Variants in HAPLN3 observed in about 807,000 individuals in gnomAD.
HAPLN3 encodes the protein extracellular link domain containing, 1.
A neutral mutation model predicts 28.1 loss-of-function variants in HAPLN3; 28 were observed. That is an observed-to-expected ratio of 1.00 (90% CI 0.74 to 1.37). HAPLN3 has a LOEUF of 1.37. Ranked by LOEUF, HAPLN3 falls within the 40% of genes most tolerant of loss-of-function variation. HAPLN3 has a pLI of 0.00. For missense variants in HAPLN3, 513 were observed against 504.6 expected (o/e 1.02, Z -0.16); for synonymous variants, 211 against 213.1 (o/e 0.99, Z 0.09).
chr15:88,893,005 G>T, intron 1 of HAPLN3: 1 of 1,534,542 alleles, frequency 6.5e-7, no homozygotes, highest in Non-Finnish European at 8.7e-7. Context: ...AAATCTTCTG[G>T]AGTCCTGTCT....
intron 2 of HAPLN3, among the ~76,000 whole-genome samples, chr15:88,885,417 A>T (rs929787042): frequency 1.3e-5 from 2 of 151,078 alleles, no homozygotes; most frequent in Non-Finnish European, 1.5e-5. Context: ...CTGGGATTAC[A>T]GGTGCACGCC....
At position 88,879,395 on chromosome 15, in the gene HAPLN3, GA is replaced by G; in HGVS notation, c.494-127del. On this transcript the variant is annotated intron_variant, in intron 3 of 4. Coordinates refer to ENST00000359595, the MANE Select transcript of HAPLN3 (RefSeq NM_178232.4). This position sits in a 1 kb window ranked among gnomAD's most constrained non-coding sequence, Gnocchi z 5.0. ...ACACACACACATACACCATCCCTCAGAAAAACTCAGCAAACCTCTGACCTCC... is the reference window on the plus strand; with the variant it reads ...ACACACACACATACACCATCCCTCAGAAAACTCAGCAAACCTCTGACCTCC... The G allele has an allele frequency of 1.9e-6, 3 of 1,545,482 alleles. No homozygotes were observed. In the South Asian group the frequency reaches 3.5e-5, roughly 18 times the overall value.
At position 88,879,331 on chromosome 15, in the gene HAPLN3, G is replaced by A. The variant is rs546696150; in HGVS notation, c.494-62C>T. On this transcript the variant is annotated intron_variant, in intron 3 of 4. Coordinates refer to ENST00000359595, the MANE Select transcript of HAPLN3 (RefSeq NM_178232.4). This position sits in a 1 kb window ranked among gnomAD's most constrained non-coding sequence, Gnocchi z 5.0. Reference sequence around the variant, plus strand: ...AGGGGCCCAGCTGGCTGGACACCCCGCTCTCCTCCCACCTTCACTGGGACA... The same window carrying A: ...AGGGGCCCAGCTGGCTGGACACCCCACTCTCCTCCCACCTTCACTGGGACA... The A allele has an allele frequency of 1.5e-3, 2,366 of 1,596,932 alleles. 37 individuals are homozygous for A. In the South Asian group the frequency reaches 0.024, roughly 16 times the overall value.
rs144003022 is a variant in HAPLN3, at chr15:88,877,981, G to A, written c.1072C>T (p.Arg358Cys). The change falls in exon 5 of 5, where the codon CGC becomes TGC. Residue 358 changes from arginine (R) to cysteine (C), a missense_variant. Arg to Cys is a radical substitution (Grantham distance 180, BLOSUM62 -3). Transcript: ENST00000359595. This position sits in a 1 kb window ranked among gnomAD's most constrained non-coding sequence, Gnocchi z 5.1. ...QSRLYGVYCY[R>C]QH ...GAGGGCCCCAGGTCCTAGTGCTGGC[G>A]GTAGCAGTAAACACCGTACAAGCGG... 196 of 1,603,670 alleles carry A rather than the reference G, an allele frequency of 1.2e-4. No homozygotes were observed. In the African/African-American group the frequency reaches 2.1e-3, roughly 17 times the overall value.
At chr15:88,892,454 C>A (rs549728485) in intron 1 of HAPLN3, among the ~76,000 whole-genome samples, 1 of 150,884 alleles carries the variant, frequency 6.6e-6, no homozygotes, top group South Asian at 2.2e-4. Flanking sequence ...GAAACTGCAT[C>A]TCAAAAAAAA....
intron 1 of HAPLN3, among the ~76,000 whole-genome samples, chr15:88,890,351 G>C (rs1441290595): frequency 6.6e-6 from 1 of 152,182 alleles, no homozygotes; most frequent in Non-Finnish European, 1.5e-5. Context: ...CCCCCTTGGT[G>C]ATGGAGAACT....
In HAPLN3 at chr15:88,879,710, T is replaced by C. The variant is rs868249302; in HGVS notation, c.494-441A>G. The C allele has an allele frequency of 8.5e-7, 1 of 1,177,518 alleles. No homozygotes were observed. Among genetic ancestry groups the C allele is most frequent in the Non-Finnish European group, 1.1e-6 (1 of 936,608 alleles). The allele number at this position is 1,177,518 out of a possible 1,614,324, so 72.9% of individuals were successfully genotyped here. ...ATTTCCTAGGAAAATGCAAGGAACT[T>C]TCCACGTGTGGCAGATGATTTTCAG... On this transcript the variant is annotated intron_variant, in intron 3 of 4. Coordinates refer to ENST00000359595, the MANE Select transcript of HAPLN3 (RefSeq NM_178232.4). The surrounding 1 kb of genome is among the most constrained non-coding windows in gnomAD (Gnocchi z 5.0).
chr15:88,887,393 G>A (rs1187928003), intron 1 of HAPLN3, 48 bp from the exon 2 acceptor site: 1 of 1,511,790 alleles, frequency 6.6e-7, no homozygotes, highest in Non-Finnish European at 9.0e-7. Context: ...TGGCTTCCAG[G>A]GCCCACATCC....
chr15:88,879,264 C>T lies in HAPLN3; in HGVS notation c.499G>A (p.Val167Ile). 1 of 1,606,346 alleles carries T rather than the reference C, an allele frequency of 6.2e-7. No homozygotes were observed. Among genetic ancestry groups the T allele is most frequent in the South Asian group, 1.1e-5 (1 of 90,168 alleles). ...CCGTTGGGGGACTGGTAAGGAAAGA[C>T]CACACCTGCAGGGGAAGGAAAGAGG... ...GLVELELRGV[V>I]FPYQSPNGRY... Residue 167 changes from valine to isoleucine, a missense_variant, in exon 4 of 5, where the codon GTC (valine) becomes ATC (isoleucine). Transcript: ENST00000359595. This position sits in a 1 kb window ranked among gnomAD's most constrained non-coding sequence, Gnocchi z 5.0.
chr15:88,883,790 T>C (rs1046333499), intron 2 of HAPLN3, among the ~76,000 whole-genome samples: 1 of 152,228 alleles, frequency 6.6e-6, no homozygotes, highest in East Asian at 1.9e-4. Flanking sequence ...CATAAAAGAA[T>C]GGCTCAGCTA....
chr15:88,884,346 G>C (rs1161500096), intron 2 of HAPLN3, among the ~76,000 whole-genome samples: 1 of 152,110 alleles, frequency 6.6e-6, no homozygotes, highest in African/African-American at 2.4e-5. Context: ...GGGCGGATCA[G>C]GCGGTCAGGA....
chr15:88,893,753 C>T (rs575006750), intron 1 of HAPLN3, among the ~76,000 whole-genome samples: 1 of 152,124 alleles, frequency 6.6e-6, no homozygotes, highest in East Asian at 1.9e-4. Flanking sequence ...CACGGTGAAA[C>T]CCCATCTCTA....
intron 1 of HAPLN3, chr15:88,893,097 G>A (rs1308812967): frequency 1.2e-6 from 1 of 842,970 alleles, no homozygotes; most frequent in South Asian, 1.4e-5. Context: ...ACCTCTCTGT[G>A]CCTCCATTTC....
At position 88,879,002 on chromosome 15, in the gene HAPLN3, C is replaced by A. The variant is rs756999566; in HGVS notation, c.761G>T (p.Arg254Leu). The A allele has an allele frequency of 1.2e-6, 2 of 1,610,434 alleles. No homozygotes were observed. Among genetic ancestry groups the A allele is most frequent in the Admixed American group, 1.7e-5 (1 of 59,676 alleles). ...SYGPRHRRLH[R>L]YDVFCFATAL... ...AGTAGCGAAGCAGAATACATCATAG[C>A]GGTGCAGGCGGCGGTGGCGGGGGCC... The change falls in exon 4 of 5, where the codon CGC becomes CTC. Residue 254 changes from arginine to leucine, a missense_variant. Arg to Leu is a moderately radical substitution (Grantham distance 102). Transcript: ENST00000359595. The surrounding 1 kb of genome is among the most constrained non-coding windows in gnomAD (Gnocchi z 5.0).
intron 2 of HAPLN3, among the ~76,000 whole-genome samples, chr15:88,884,933 C>T (rs1897807104): frequency 6.6e-6 from 1 of 152,200 alleles, no homozygotes; most frequent in African/African-American, 2.4e-5. Flanking sequence ...CCCCAAGAGC[C>T]ACAGGAGGTA....
intron 2 of HAPLN3, among the ~76,000 whole-genome samples, chr15:88,884,519 G>A (rs892866809): frequency 1.3e-5 from 2 of 152,070 alleles, no homozygotes; most frequent in South Asian, 2.1e-4. Flanking sequence ...AGCCGAGATC[G>A]CGCCACTGCA....
chr15:88,884,900 G>A (rs529957299), intron 2 of HAPLN3, among the ~76,000 whole-genome samples: 1 of 152,348 alleles, frequency 6.6e-6, no homozygotes, highest in Non-Finnish European at 1.5e-5. Flanking sequence ...AGAACCGGAA[G>A]AGGCAAGGCA....
chr15:88,880,455 AT>A lies in HAPLN3; in HGVS notation c.493+901del, dbSNP rs1897665859. ...AAAGGAGGAAAGATTGTGATACCCCATTTTACACCTGAGAGGCCCAGGGCTC... is the reference window on the plus strand; with the variant it reads ...AAAGGAGGAAAGATTGTGATACCCCATTTACACCTGAGAGGCCCAGGGCTC... On this transcript the variant is annotated intron_variant, in intron 3 of 4. Transcript: ENST00000359595. The surrounding 1 kb of genome is among the most constrained non-coding windows in gnomAD (Gnocchi z 6.0). 1 of 1,217,006 alleles carries A rather than the reference AT, an allele frequency of 8.2e-7. No homozygotes were observed. The highest frequency in any genetic ancestry group is 1.4e-5 in the South Asian group (1 of 70,570). 75.4% of individuals were successfully genotyped at this position (1,217,006 alleles called of 1,614,324 possible).
intron 2 of HAPLN3, among the ~76,000 whole-genome samples, chr15:88,884,098 A>G (rs116356544): frequency 0.012 from 1,845 of 151,984 alleles, 49 homozygotes; most frequent in African/African-American, 0.042. Context: ...AAAAGGCTAG[A>G]AAGAGATACC....
Sources: allele counts gnomAD v4.1 joint callset (sites outside exome capture counted in the v4.1 genomes callset), GRCh38; gene constraint gnomAD v4.1.1; non-coding constraint Gnocchi (gnomAD v3.1); transcripts MANE v1.5; gene names NCBI Gene and HGNC (gene_info 2026-07-23, HGNC 2026-07-21).